The following HTR4 variants were observed in gnomAD, a reference collection of about 807,000 sequenced individuals.
The protein encoded by HTR4 is 5-hydroxytryptamine receptor 4.
HTR4 carries 16 observed loss-of-function variants against 36.8 expected under a neutral mutation model. The observed-to-expected ratio is 0.43, with a 90% CI of 0.29 to 0.66. The LOEUF (loss-of-function observed/expected upper bound fraction) is 0.66, where lower values mean the gene tolerates loss of function less well. Among genes scored for constraint, HTR4 ranks in the 30% least tolerant of loss-of-function variants. The pLI is 0.13. For missense variants in HTR4, 438 were observed against 490.9 expected (o/e 0.89, Z 1.02); for synonymous variants, 189 against 185.1 (o/e 1.02, Z -0.17).
chr5:148,637,086 GT>G, intron 1 of HTR4, 25 bp from the exon 2 acceptor site: 1 of 1,485,436 alleles, frequency 6.7e-7, no homozygotes, highest in Non-Finnish European at 9.4e-7. Flanking sequence ...GTAAAAAGAT[GT>G]TATAAAAGAA....
At chr5:148,630,165 C>T (rs1271578733) in intron 2 of HTR4, 2 of 152,184 alleles carry the variant, frequency 1.3e-5, no homozygotes, top group Admixed American at 1.3e-4. Flanking sequence ...CACTAAATCT[C>T]CGTTTGCTTA....
chr5:148,556,409 G>A (rs1759954614), intron 2 of HTR4, among the ~76,000 whole-genome samples: 1 of 152,136 alleles, frequency 6.6e-6, no homozygotes, highest in South Asian at 2.1e-4. Flanking sequence ...ACTTTTCTGA[G>A]CCTCAGTTTC....
At chr5:148,564,433 C>T (rs1414212116) in intron 2 of HTR4, among the ~76,000 whole-genome samples, 6 of 152,148 alleles carry the variant, frequency 3.9e-5, no homozygotes, top group Non-Finnish European at 2.9e-5. Context: ...ATCTGTGCCT[C>T]CCAACCACAC....
In HTR4 at chr5:148,641,400, C is replaced by G. The variant is rs780006770; in HGVS notation, c.-47-4339G>C. ...GGTACAAGAAATTATACCCTCCATA[C>G]TAATCCCCTTCGGAGAAACAGTCCT... On this transcript the variant is annotated intron_variant, in intron 1 of 6. Transcript: ENST00000377888. 3.3e-5 allele frequency among the ~76,000 whole-genome samples: 5 copies of G among 152,136 alleles called. No homozygotes were observed. The East Asian group carries it at 5.8e-4, about 18-fold the overall frequency.
At chr5:148,647,765 C>T (rs1365682904) in intron 1 of HTR4, among the ~76,000 whole-genome samples, 3 of 152,218 alleles carry the variant, frequency 2.0e-5, no homozygotes, top group Non-Finnish European at 4.4e-5. Context: ...AGAAGAATCG[C>T]TTGAACCCCG....
chr5:148,595,908 T>C (rs1313263151), intron 2 of HTR4, among the ~76,000 whole-genome samples: 2 of 152,372 alleles, frequency 1.3e-5, no homozygotes, highest in East Asian at 1.9e-4. Context: ...CTAATAATTA[T>C]TGCAACATCA....
rs189513783 is a variant in HTR4 at position 148,451,327 on chromosome 5, C to T, written c.1077-55G>A. 3.0e-4 allele frequency: 480 copies of T among 1,610,822 alleles called. No individual in the cohort carries two copies. In the Admixed American group the frequency reaches 6.6e-3, roughly 22 times the overall value. ...TTCAACAGGCATGCTCCAACTGCAC[C>T]GAAGTCAAGAGCACTCCTTCTACTC... On this transcript the variant is annotated intron_variant, in intron 5 of 5. Coordinates refer to the HTR4 transcript ENST00000521530.
At chr5:148,454,300 A>G (rs1755045046) in intron 5 of HTR4, among the ~76,000 whole-genome samples, 1 of 152,220 alleles carries the variant, frequency 6.6e-6, no homozygotes, top group Admixed American at 6.5e-5. Context: ...AGTCTGCCAC[A>G]TAGTAGAAGC....
intron 2 of HTR4, among the ~76,000 whole-genome samples, chr5:148,584,907 G>C (rs546419694): frequency 6.6e-6 from 1 of 152,256 alleles, no homozygotes; most frequent in Admixed American, 6.5e-5. Flanking sequence ...AAAATGGAAG[G>C]CTAGAGGTAC....
chr5:148,561,126 G>T (rs1760184937), intron 2 of HTR4, among the ~76,000 whole-genome samples: 1 of 152,146 alleles, frequency 6.6e-6, no homozygotes, highest in African/African-American at 2.4e-5. Flanking sequence ...GCTGGTGAAG[G>T]TTAGGTAGTT....
At chr5:148,527,621 A>G (rs905884021) in intron 4 of HTR4, among the ~76,000 whole-genome samples, 3 of 152,056 alleles carry the variant, frequency 2.0e-5, no homozygotes, top group African/African-American at 7.2e-5. Flanking sequence ...AATCCCTTAC[A>G]CATTTTTTAA....
intron 2 of HTR4, among the ~76,000 whole-genome samples, chr5:148,615,205 A>T (rs1489335841): frequency 6.6e-6 from 1 of 152,012 alleles, no homozygotes. Context: ...ACTATAAATC[A>T]TGTTGCTATA....
intron 2 of HTR4, among the ~76,000 whole-genome samples, chr5:148,569,890 T>A (rs1760606613): frequency 6.6e-6 from 1 of 152,112 alleles, no homozygotes; most frequent in African/African-American, 2.4e-5. Context: ...GACTTCTTCA[T>A]TCAGAATATT....
chr5:148,632,667 T>C (rs1211573988), intron 2 of HTR4, among the ~76,000 whole-genome samples: 1 of 152,198 alleles, frequency 6.6e-6, no homozygotes, highest in Non-Finnish European at 1.5e-5. Flanking sequence ...CTGAACATTG[T>C]ACTCTCTGGA....
intron 5 of HTR4, among the ~76,000 whole-genome samples, chr5:148,454,192 A>G (rs1189374562): frequency 1.3e-5 from 2 of 152,154 alleles, no homozygotes; most frequent in Non-Finnish European, 2.9e-5. Flanking sequence ...CTCTCTATGC[A>G]TCACTTTCTA....
chr5:148,563,659 A>G (rs1387139972), intron 2 of HTR4, among the ~76,000 whole-genome samples: 1 of 152,218 alleles, frequency 6.6e-6, no homozygotes, highest in Admixed American at 6.5e-5. Context: ...TTTAAAAAAT[A>G]GTGCCTGTAT....
downstream of HTR4, among the ~76,000 whole-genome samples, chr5:148,480,121 C>A (rs961717422): frequency 2.6e-5 from 4 of 152,076 alleles, no homozygotes; most frequent in Non-Finnish European, 4.4e-5. Context: ...CAAGTATTTT[C>A]TTCTTCAAAT....
At position 148,458,028 on chromosome 5, in the gene HTR4, A is replaced by C. The variant is rs879447412; in HGVS notation, c.1077-6756T>G. 4.4e-3 allele frequency among the ~76,000 whole-genome samples: 572 copies of C among 128,572 alleles called. 6 individuals carry two copies. The highest frequency in any genetic ancestry group is 0.016 in the African/African-American group (533 of 34,326). 84.3% of individuals were successfully genotyped at this position (128,572 alleles called of 152,430 possible). A position where few individuals can be genotyped will look rare whatever the true frequency, so the allele number is the denominator to read the frequency against. On this transcript the variant is annotated intron_variant, in intron 5 of 5. Coordinates refer to the HTR4 transcript ENST00000521530. The stretch of plus-strand genomic sequence containing the variant: ...GATATATTAAATATTAAATTAAGAT[A>C]TATTTAATATATATTAAAATATATT...
chr5:148,640,974 T>C (rs1456443916), intron 1 of HTR4, among the ~76,000 whole-genome samples: 2 of 152,192 alleles, frequency 1.3e-5, no homozygotes, highest in African/African-American at 4.8e-5. Context: ...ATGCATTTTA[T>C]CAGAGAGAAA....
Sources: allele counts gnomAD v4.1 joint callset (sites outside exome capture counted in the v4.1 genomes callset), GRCh38; gene constraint gnomAD v4.1.1; transcripts MANE v1.5; gene names NCBI Gene and HGNC (gene_info 2026-07-23, HGNC 2026-07-21).